Variants in DPP7 observed in about 807,000 individuals in gnomAD.
The protein encoded by DPP7 is dipeptidyl peptidase 2.
Under a neutral mutation model 58.8 loss-of-function variants are expected in DPP7, and 74 were observed. That is an observed-to-expected ratio of 1.26 (90% CI 1.04 to 1.53). DPP7 has a LOEUF of 1.53. DPP7 is among the 40% of genes most tolerant of loss of function. The probability of loss-of-function intolerance (pLI) is 0.00; values close to 1 mark genes in which losing one functional copy is unlikely to be tolerated. For synonymous variants in DPP7, 350 were observed against 303.6 expected (o/e 1.15, Z -1.59); for missense variants, 807 against 692.3 (o/e 1.17, Z -1.86).
At position 137,112,245 on chromosome 9, in the gene DPP7, C is replaced by T. The variant is rs561225992; in HGVS notation, c.932-15G>A. 29 of 1,589,094 alleles carry T rather than the reference C, an allele frequency of 1.8e-5. No individual in the cohort carries two copies. The highest frequency in any genetic ancestry group is 1.3e-4 in the African/African-American group (10 of 74,704). Reference sequence around the variant, plus strand: ...GTAGACCAGCCCTGGGGAGGAGAGGCGCTGGGGCCCAGCGGCCACACACAG... The same window carrying T: ...GTAGACCAGCCCTGGGGAGGAGAGGTGCTGGGGCCCAGCGGCCACACACAG... On this transcript the variant is annotated splice_polypyrimidine_tract_variant and intron_variant, in intron 8 of 12. Transcript: ENST00000371579.
chr9:137,112,184 G>A lies in DPP7; in HGVS notation c.978C>T (p.Tyr326=), dbSNP rs1170372576. ...ASGSEHCYDI[Y]RLYHSCADPT... is the part of the protein sequence containing the mutation. ...GGTCAGCACAGCTGTGGTAGAGCCGGTAGATGTCGTAGCAGTGCTCGGAGC... is the reference window on the plus strand; with the variant it reads ...GGTCAGCACAGCTGTGGTAGAGCCGATAGATGTCGTAGCAGTGCTCGGAGC... Residue 326 remains tyrosine, a synonymous_variant, in exon 9 of 13, where the codon TAC becomes TAT. Transcript: ENST00000371579. 6.2e-7 allele frequency: 1 copy of A among 1,606,776 alleles called. No homozygotes were observed. Among genetic ancestry groups the A allele is most frequent in the African/African-American group, 1.3e-5 (1 of 74,886 alleles).
chr9:137,116,750 G>A (rs529770935), upstream of DPP7, among the ~76,000 whole-genome samples: 25 of 152,330 alleles, frequency 1.6e-4, no homozygotes, highest in South Asian at 2.5e-3. Flanking sequence ...TTCTGTCTCC[G>A]ACATGCCCCT....
chr9:137,112,927 C>A (rs769212647), intron 7 of DPP7, 26 bp downstream of exon 7: 1 of 1,612,240 alleles, frequency 6.2e-7, no homozygotes, highest in South Asian at 1.1e-5. Context: ...CGGCCTCTCC[C>A]TGCGCCCTGG....
chr9:137,116,719 C>T (rs968217376), upstream of DPP7, among the ~76,000 whole-genome samples: 1 of 152,190 alleles, frequency 6.6e-6, no homozygotes, highest in Non-Finnish European at 1.5e-5. Context: ...GGCCTCTTTG[C>T]AGTTGAGATA....
chr9:137,112,634 C>A, intron 8 of DPP7, 111 bp downstream of exon 8: 1 of 1,308,322 alleles, frequency 7.6e-7, no homozygotes, highest in Non-Finnish European at 1.1e-6. Flanking sequence ...AGCCCTGGGG[C>A]AGGAGGCAAA....
Position 137,113,889 on chromosome 9 carries a change from G to A in DPP7, c.461C>T (p.Ala154Val). ...ALRRDLGAQDAPAIAFGGSYG... is the reference protein window; with the variant it reads ...ALRRDLGAQDVPAIAFGGSYG... ...CCTTCCACCGAAGGCGATGGCGGGG[G>A]CATCCTGGGCCCCGAGGTCGCGTCG... The change falls in exon 4 of 13, where the codon GCC (alanine) becomes GTC (valine). Residue 154 changes from alanine (A) to valine (V), a missense_variant. Ala to Val is a moderately conservative substitution (Grantham distance 64, BLOSUM62 0). Around this residue, in one of 3 missense-constraint regions of DPP7, gnomAD observed 624 missense variants for 531.2 expected, o/e 1.17. Coordinates refer to ENST00000371579, the MANE Select transcript of DPP7 (RefSeq NM_013379.3). The A allele has an allele frequency of 3.8e-6, 6 of 1,560,750 alleles. No homozygotes were observed. The highest frequency in any genetic ancestry group is 1.2e-5 in the South Asian group (1 of 86,788).
chr9:137,112,086 G>A, intron 9 of DPP7, 26 bp downstream of exon 9: 1 of 1,612,138 alleles, frequency 6.2e-7, no homozygotes, highest in Non-Finnish European at 8.5e-7. Flanking sequence ...CCCCCGAGTG[G>A]TTCCAGGCCA....
intron 10 of DPP7, 45 bp from the exon 11 acceptor site, chr9:137,111,799 C>T (rs763568074): frequency 3.7e-6 from 6 of 1,613,350 alleles, no homozygotes. Flanking sequence ...CTCACGGGGG[C>T]TGTGAGCCAT....
chr9:137,112,570 C>T (rs1564322213), intron 8 of DPP7, 175 bp downstream of exon 8: 11 of 808,174 alleles, frequency 1.4e-5, no homozygotes, highest in South Asian at 7.1e-5. Flanking sequence ...TCCCCAGGGA[C>T]GGCCCCTGCC....
upstream of DPP7, among the ~76,000 whole-genome samples, chr9:137,117,702 C>T (rs923297662): frequency 2.6e-5 from 4 of 152,226 alleles, no homozygotes; most frequent in African/African-American, 9.7e-5. Context: ...TGGCCGTGAC[C>T]TACTGCATCC....
chr9:137,111,006 C>T, intron 11 of DPP7, 56 bp from the exon 12 acceptor site: 3 of 1,549,706 alleles, frequency 1.9e-6, no homozygotes, highest in South Asian at 2.3e-5. Flanking sequence ...TGCCCAGCCT[C>T]CGTGGGCCCA....
At chr9:137,114,429 G>T (rs770279722) in intron 2 of DPP7, 34 bp downstream of exon 2, 2 of 1,559,682 alleles carry the variant, frequency 1.3e-6, no homozygotes, top group South Asian at 2.3e-5. Context: ...GCGGCGGGAC[G>T]GCGGGGGCGG....
chr9:137,111,126 G>A (rs564184990), intron 11 of DPP7, among the ~76,000 whole-genome samples, 176 bp from the exon 12 acceptor site: 2 of 152,202 alleles, frequency 1.3e-5, no homozygotes, highest in African/African-American at 2.4e-5. Flanking sequence ...GGGCAAAACC[G>A]GGTGAGACAG....
intron 8 of DPP7, 38 bp from the exon 9 acceptor site, chr9:137,112,268 C>T (rs774250872): frequency 2.6e-6 from 4 of 1,545,280 alleles, no homozygotes; most frequent in South Asian, 2.3e-5. Flanking sequence ...CGGCCACACA[C>T]AGACACACCG....
chr9:137,112,958 C>A lies in DPP7; in HGVS notation c.865G>T (p.Val289Phe), dbSNP rs371140971. The A allele has an allele frequency of 6.2e-7, 1 of 1,613,316 alleles. No individual in the cohort carries two copies. The highest frequency in any genetic ancestry group is 1.1e-5 in the South Asian group (1 of 91,084). Residue 289 changes from valine to phenylalanine, a missense_variant, in exon 7 of 13, where the codon GTC (valine) becomes TTC (phenylalanine). By Grantham distance (50) the Val-to-Phe change is conservative. Around this residue, in one of 3 missense-constraint regions of DPP7, gnomAD observed 624 missense variants for 531.2 expected, o/e 1.17. Coordinates refer to ENST00000371579, the MANE Select transcript of DPP7 (RefSeq NM_013379.3). ...CCTGGGAGGCGGCGCCTCACCTTGA[C>A]GGGGTTGGCAGGGAGGGGACCCAGG... ...DFLGPLPANP[V>F]KVGCDRLLSE... is the part of the protein sequence containing the mutation.
rs757009350 is a variant in DPP7 at position 137,113,352 on chromosome 9, C to G, written c.621+9G>C. 11 of 1,612,096 alleles carry G rather than the reference C, an allele frequency of 6.8e-6. No individual in the cohort carries two copies. The South Asian group carries it at 8.8e-5, about 13-fold the overall frequency. ...TTAGGGGGCCTGGAGGACCCCAAGCCTCACTCACCGCCGTGACGTCCCGGA... is the reference window on the plus strand; with the variant it reads ...TTAGGGGGCCTGGAGGACCCCAAGCGTCACTCACCGCCGTGACGTCCCGGA... On this transcript the variant is annotated intron_variant, in intron 5 of 12. Transcript: ENST00000371579.
At position 137,112,963 on chromosome 9, in the gene DPP7, T is replaced by C; in HGVS notation, c.860A>G (p.Asn287Ser). 1.2e-6 allele frequency: 2 copies of C among 1,613,056 alleles called. No individual in the cohort carries two copies. Among genetic ancestry groups the C allele is most frequent in the Non-Finnish European group, 1.7e-6 (2 of 1,179,894 alleles). Residue 287 changes from asparagine (N) to serine (S), a missense_variant, in exon 7 of 13, where the codon AAC becomes AGC. Transcript: ENST00000371579. ...GAGGCGGCGCCTCACCTTGACGGGG[T>C]TGGCAGGGAGGGGACCCAGGAAGTC... ...PTDFLGPLPA[N>S]PVKVGCDRLL...
At chr9:137,111,527 G>A (rs1267222796) in intron 11 of DPP7, among the ~76,000 whole-genome samples, 163 bp downstream of exon 11, 1 of 152,194 alleles carries the variant, frequency 6.6e-6, no homozygotes, top group Non-Finnish European at 1.5e-5. Context: ...ATGTTGGTGA[G>A]CGCCTGTAGT....
upstream of DPP7, among the ~76,000 whole-genome samples, chr9:137,115,659 C>T (rs1490622079): frequency 6.6e-6 from 1 of 152,150 alleles, no homozygotes; most frequent in Non-Finnish European, 1.5e-5. Flanking sequence ...CCGGCCACTT[C>T]CACAGCCCCT....
Sources: allele counts gnomAD v4.1 joint callset (sites outside exome capture counted in the v4.1 genomes callset), GRCh38; gene constraint gnomAD v4.1.1; regional missense constraint gnomAD v4.1.1; transcripts MANE v1.5; gene names NCBI Gene and HGNC (gene_info 2026-07-23, HGNC 2026-07-21).